TBC1D8B: variants seen among roughly 807,000 people sequenced by gnomAD.
TBC1D8B encodes RP11-321G1.1.
Under a neutral mutation model 82.9 loss-of-function variants are expected in TBC1D8B, and 75 were observed. The ratio of observed to expected loss-of-function variants is 0.90; its 90% CI spans 0.75 to 1.10. The LOEUF is 1.10. Ranked by LOEUF, TBC1D8B falls within the 50% of genes least tolerant of loss-of-function variation. The pLI, the probability that TBC1D8B is intolerant of heterozygous loss-of-function variation, is 0.00. For missense variants in TBC1D8B, 794 were observed against 796.9 expected, an observed-to-expected ratio of 1.00 and a Z score of 0.04; for synonymous variants, 276 against 276.8, an observed-to-expected ratio of 1.00 and a Z score of 0.03.
At chrX:106,834,839 T>G (rs1283188013) in intron 7 of TBC1D8B, among the ~76,000 whole-genome samples, 1 of 112,075 alleles carries the variant, frequency 8.9e-6, no homozygotes. Flanking sequence ...ATGTGAGAGG[T>G]GGGCTGCCAC....
chrX:106,829,577 T>C, intron 7 of TBC1D8B: 1 of 108,164 alleles, frequency 9.2e-6, no homozygotes, highest in Non-Finnish European at 1.9e-5. Context: ...AACAGCATGG[T>C]ACTGGTACCA....
intron 10 of TBC1D8B, among the ~76,000 whole-genome samples, chrX:106,841,458 T>G (rs1019501636): frequency 1.8e-5 from 2 of 111,334 alleles, no homozygotes; most frequent in Non-Finnish European, 3.8e-5. Flanking sequence ...TAGGACCATG[T>G]TTGTTTAGTT....
intron 4 of TBC1D8B, among the ~76,000 whole-genome samples, 195 bp from the exon 5 acceptor site, chrX:106,823,031 A>T (rs1293279721): frequency 9.0e-6 from 1 of 111,306 alleles, no homozygotes; most frequent in Non-Finnish European, 1.9e-5. Flanking sequence ...ATTTAAAATT[A>T]GATCTCTTCC....
intron 1 of TBC1D8B, among the ~76,000 whole-genome samples, chrX:106,809,756 C>A (rs1411898224): frequency 9.2e-6 from 1 of 109,116 alleles, no homozygotes; most frequent in Non-Finnish European, 1.9e-5. Context: ...TGGTGGCACA[C>A]ACCTGTAATC....
chrX:106,831,171 A>C (rs751130267), intron 7 of TBC1D8B, among the ~76,000 whole-genome samples: 1 of 111,078 alleles, frequency 9.0e-6, no homozygotes, highest in African/African-American at 3.3e-5. Context: ...ATGTGTCTTT[A>C]TTGGCTATAT....
intron 1 of TBC1D8B, chrX:106,814,051 C>T (rs773866161): frequency 4.8e-5 from 5 of 104,992 alleles, no homozygotes; most frequent in African/African-American, 1.0e-4. Context: ...TGTTCCCCTT[C>T]GTATGTTCAT....
intron 1 of TBC1D8B, among the ~76,000 whole-genome samples, chrX:106,812,447 TTTAC>T (rs1189152499): frequency 1.8e-5 from 2 of 111,967 alleles, no homozygotes; most frequent in African/African-American, 6.5e-5. Context: ...AATTGAACAT[TTTAC>T]TTAGAATGGA....
Position 106,826,093 on chromosome X carries a change from G to C in TBC1D8B, c.891G>C (p.Glu297Asp). Residue 297 changes from glutamate to aspartate, a missense_variant, in exon 6 of 21, where the codon GAG becomes GAC. Coordinates refer to ENST00000357242, the MANE Select transcript of TBC1D8B (RefSeq NM_017752.3). ...CCTTTTTTAGGCTGCCCAAAGGAGA[G>C]AGTTTGAAAGAAGTACATGAATGTT... Reference protein sequence around the residue: ...FNAFFRLPKGESLKEVHECFL... With the variant: ...FNAFFRLPKGDSLKEVHECFL... 1 of 1,210,745 alleles carries C rather than the reference G, an allele frequency of 8.3e-7. No individual in the cohort carries two copies. The highest frequency in any genetic ancestry group is 1.1e-6 in the Non-Finnish European group (1 of 895,024).
At chrX:106,830,899 A>G (rs892520203) in intron 7 of TBC1D8B, among the ~76,000 whole-genome samples, 1 of 108,895 alleles carries the variant, frequency 9.2e-6, no homozygotes, top group African/African-American at 3.3e-5. Context: ...TACATATGTA[A>G]CTAACCTGCA....
intron 11 of TBC1D8B, among the ~76,000 whole-genome samples, chrX:106,848,975 C>T (rs1444628869): frequency 9.6e-6 from 1 of 104,370 alleles, no homozygotes; most frequent in Admixed American, 1.1e-4. Context: ...GACGGGGTTT[C>T]ACCGTGTTAG....
chrX:106,847,348 C>T (rs1171406188), intron 10 of TBC1D8B, among the ~76,000 whole-genome samples: 1 of 111,104 alleles, frequency 9.0e-6, no homozygotes, highest in African/African-American at 3.3e-5. Flanking sequence ...ATTTAGTACA[C>T]AGTGTGATAC....
At position 106,822,189 on chromosome X, in the gene TBC1D8B, G is replaced by C. The variant is rs768746269; in HGVS notation, c.573G>C (p.Leu191Phe). The C allele has an allele frequency of 8.3e-6, 10 of 1,200,436 alleles. No individual in the cohort carries two copies. The South Asian group carries it at 1.8e-4, about 22-fold the overall frequency. ...STNFLSFYSF[L>F]LGSEIKLIIS... ...ACTTTCTGAGCTTCTATTCTTTTTT[G>C]TTGGGATCAGAAAGTAAGTGGTTTC... is the stretch of plus-strand genomic sequence containing the variant. Residue 191 changes from leucine (L) to phenylalanine (F), a missense_variant, in exon 4 of 21, where the codon TTG (leucine) becomes TTC (phenylalanine). Leu to Phe is a conservative substitution (Grantham distance 22). Transcript: ENST00000357242.
At chrX:106,851,955 G>A (rs1178639083) in intron 12 of TBC1D8B, among the ~76,000 whole-genome samples, 1 of 109,806 alleles carries the variant, frequency 9.1e-6, no homozygotes, top group Non-Finnish European at 1.9e-5. Flanking sequence ...GGGTCAAATG[G>A]TATTTCTAGT....
intron 14 of TBC1D8B, 152 bp downstream of exon 14, chrX:106,854,448 T>A (rs1932656596): frequency 1.1e-5 from 4 of 360,789 alleles, no homozygotes; most frequent in Admixed American, 5.8e-5. Context: ...AAATTCTTTT[T>A]TAGAGAAAAT....
intron 12 of TBC1D8B, among the ~76,000 whole-genome samples, chrX:106,852,192 T>C (rs1932602664): frequency 9.7e-6 from 1 of 103,451 alleles, no homozygotes; most frequent in Non-Finnish European, 2.0e-5. Context: ...TTCATGTGTT[T>C]TTTGGCTGCA....
In TBC1D8B at chrX:106,822,026, C is replaced by G; in HGVS notation, c.410C>G (p.Pro137Arg). ...CATTGTTTTGCAAAAGAAGATGATC[C>G]TGAGAAATTTCGAGAAGCCCTTTTG... is the stretch of plus-strand genomic sequence containing the variant. ...GKHCFAKEDD[P>R]EKFREALLKF... Residue 137 changes from proline (P) to arginine (R), a missense_variant, in exon 4 of 21, where the codon CCT becomes CGT. Coordinates refer to ENST00000357242, the MANE Select transcript of TBC1D8B (RefSeq NM_017752.3). 2 of 1,210,415 alleles carry G rather than the reference C, an allele frequency of 1.7e-6. No individual in the cohort carries two copies. The highest frequency in any genetic ancestry group is 2.2e-6 in the Non-Finnish European group (2 of 894,753).
At position 106,818,855 on chromosome X, in the gene TBC1D8B, G is replaced by T. The variant is rs1026351453; in HGVS notation, c.241+82G>T. On this transcript the variant is annotated intron_variant, in intron 2 of 20. Transcript: ENST00000357242. The stretch of plus-strand genomic sequence containing the variant: ...TATTCATATTTATTTATAGTCTGTA[G>T]TTGCTTTGAGATTTAAAAACAAATT... The T allele has an allele frequency of 4.5e-5, 33 of 734,496 alleles. No individual in the cohort carries two copies. The Admixed American group carries it at 1.1e-3, about 24-fold the overall frequency. The allele number at this position is 734,496 out of a possible 1,213,427, so 60.5% of individuals were successfully genotyped here. A position where few individuals can be genotyped will look rare whatever the true frequency, so the allele number is the denominator to read the frequency against.
At chrX:106,804,943 A>AATAGTCTT (rs1305857448) in intron 1 of TBC1D8B, among the ~76,000 whole-genome samples, 3 of 110,914 alleles carry the variant, frequency 2.7e-5, no homozygotes, top group African/African-American at 9.8e-5. Context: ...CAGCCTCAGG[A>AATAGTCTT]ATAGTCTTAT....
intron 1 of TBC1D8B, 104 bp downstream of exon 1, chrX:106,803,087 C>A: frequency 1.0e-6 from 1 of 973,740 alleles, no homozygotes; most frequent in Non-Finnish European, 1.3e-6. Context: ...GATCCTAAAT[C>A]GTGGGCGGAG....
Sources: allele counts gnomAD v4.1 joint callset (sites outside exome capture counted in the v4.1 genomes callset), GRCh38; gene constraint gnomAD v4.1.1; transcripts MANE v1.5; gene names NCBI Gene and HGNC (gene_info 2026-07-23, HGNC 2026-07-21).